Variants in DCAF6 observed in about 807,000 individuals in gnomAD.
DCAF6 encodes DDB1- and CUL4-associated factor 6.
Under a neutral mutation model 125.1 loss-of-function variants are expected in DCAF6, and 54 were observed. The observed-to-expected ratio is 0.43, with a 90% CI of 0.35 to 0.54. The LOEUF is 0.54. DCAF6 is among the 20% of genes least tolerant of loss of function. DCAF6 has a pLI of 0.01. For synonymous variants in DCAF6, 371 were observed against 390.4 expected, an observed-to-expected ratio of 0.95 and a Z score of 0.58; for missense variants, 934 against 1,161.7, an observed-to-expected ratio of 0.80 and a Z score of 2.85.
intron 1 of DCAF6, among the ~76,000 whole-genome samples, chr1:167,946,655 G>T (rs1673133924): frequency 6.6e-6 from 1 of 152,040 alleles, no homozygotes; most frequent in African/African-American, 2.4e-5. Context: ...TCATTCTGTT[G>T]ATATGATGTA....
chr1:168,001,117 A>G (rs945858550), intron 7 of DCAF6, among the ~76,000 whole-genome samples: 1 of 152,134 alleles, frequency 6.6e-6, no homozygotes, highest in East Asian at 1.9e-4. Context: ...CCTGGGCAAC[A>G]TAGCTAGACT....
At chr1:167,881,873 G>A in the DCAF6 span, among the ~76,000 whole-genome samples, 2 of 152,192 alleles carry the variant, frequency 1.3e-5, no homozygotes, top group African/African-American at 4.8e-5. Flanking sequence ...TATTGAAGAA[G>A]GTACTGGAGA....
the DCAF6 span, among the ~76,000 whole-genome samples, chr1:167,925,709 G>C: frequency 6.6e-6 from 1 of 151,124 alleles, no homozygotes; most frequent in East Asian, 1.9e-4. Flanking sequence ...ACCACACCCG[G>C]CTAATTTTTT....
At chr1:167,973,497 A>G (rs1294655578) in intron 3 of DCAF6, among the ~76,000 whole-genome samples, 1 of 152,186 alleles carries the variant, frequency 6.6e-6, no homozygotes, top group Non-Finnish European at 1.5e-5. Context: ...ATGTCACAAA[A>G]CAGTGATTTT....
At chr1:168,034,883 TTTAA>T (rs1479475416) in intron 12 of DCAF6, among the ~76,000 whole-genome samples, 2 of 152,210 alleles carry the variant, frequency 1.3e-5, no homozygotes, top group Non-Finnish European at 2.9e-5. Context: ...GTTGGGAACA[TTTAA>T]ATAGTTACAA....
chr1:167,874,896 CTG>C, the DCAF6 span, among the ~76,000 whole-genome samples: 1 of 152,086 alleles, frequency 6.6e-6, no homozygotes, highest in African/African-American at 2.4e-5. Flanking sequence ...ATGATTCCAT[CTG>C]TATCAATTTT....
At chr1:167,920,348 A>G in the DCAF6 span, among the ~76,000 whole-genome samples, 17 of 152,320 alleles carry the variant, frequency 1.1e-4, no homozygotes, top group African/African-American at 4.1e-4. Context: ...CAAAAACCTG[A>G]AAAGCAAAAG....
rs181641487 is a variant in DCAF6 at position 168,039,730 on chromosome 1, G to C, written c.1727+1242G>C. On this transcript the variant is annotated intron_variant, in intron 13 of 21. Transcript: ENST00000367840. ...ATATTAATATATGATCATGTTATCT[G>C]TTACTATAATATATGTAATATAATA... 3.8e-3 allele frequency among the ~76,000 whole-genome samples: 556 copies of C among 147,114 alleles called. 1 individual carries two copies. The highest frequency in any genetic ancestry group is 6.1e-3 in the Non-Finnish European group (409 of 66,984).
chr1:167,973,279 G>T (rs991343715), intron 3 of DCAF6, among the ~76,000 whole-genome samples: 13 of 152,154 alleles, frequency 8.5e-5, no homozygotes, highest in Admixed American at 7.2e-4. Flanking sequence ...TTTTTGGTGA[G>T]AATTCTCAGG....
the DCAF6 span, chr1:167,878,707 G>T: frequency 1.1e-4 from 157 of 1,472,272 alleles, no homozygotes; most frequent in African/African-American, 1.9e-3. Flanking sequence ...CTGAAACATT[G>T]TCCCCAAATA....
At chr1:168,072,858 T>G (rs778187932) in intron 21 of DCAF6, among the ~76,000 whole-genome samples, 2 of 152,176 alleles carry the variant, frequency 1.3e-5, no homozygotes, top group Non-Finnish European at 1.5e-5. Flanking sequence ...CTTCATATCA[T>G]TATCTTCCCC....
At chr1:168,051,456 C>T (rs1452783287) in intron 17 of DCAF6, among the ~76,000 whole-genome samples, 4 of 152,166 alleles carry the variant, frequency 2.6e-5, no homozygotes, top group African/African-American at 9.7e-5. Context: ...AAGCCTCAAG[C>T]ACTTCTCTAT....
intron 2 of DCAF6, among the ~76,000 whole-genome samples, chr1:167,963,405 ATTC>A (rs1675921158): frequency 6.8e-6 from 1 of 146,374 alleles, no homozygotes; most frequent in African/African-American, 2.5e-5. Flanking sequence ...TTTGTTTTCC[ATTC>A]TTCTGCCTTT....
chr1:167,878,490 T>A, the DCAF6 span: 272 of 1,614,174 alleles, frequency 1.7e-4, 5 homozygotes, highest in South Asian at 2.5e-3. Flanking sequence ...GTCCAGAATC[T>A]GCAACACCTT....
upstream of DCAF6, among the ~76,000 whole-genome samples, chr1:167,933,109 T>C (rs943358840): frequency 3.3e-5 from 5 of 151,188 alleles, no homozygotes; most frequent in Admixed American, 3.3e-4. Context: ...AAATTCTGGC[T>C]CACAGGTCAG....
the DCAF6 span, among the ~76,000 whole-genome samples, chr1:167,866,980 A>G: frequency 6.6e-6 from 1 of 152,188 alleles, no homozygotes; most frequent in Non-Finnish European, 1.5e-5. Flanking sequence ...AGTCCCCCCC[A>G]TGCTGTGGTG....
At chr1:168,057,274 T>C (rs1182453166) in intron 17 of DCAF6, among the ~76,000 whole-genome samples, 1 of 152,192 alleles carries the variant, frequency 6.6e-6, no homozygotes, top group African/African-American at 2.4e-5. Flanking sequence ...CTGCTTATAT[T>C]TTAGCCTAGT....
chr1:167,973,539 T>A (rs1677670464), intron 3 of DCAF6, among the ~76,000 whole-genome samples: 1 of 152,198 alleles, frequency 6.6e-6, no homozygotes, highest in Non-Finnish European at 1.5e-5. Flanking sequence ...TTTATTAATT[T>A]ACATTCTTCA....
intron 10 of DCAF6, among the ~76,000 whole-genome samples, chr1:168,009,387 CT>C (rs869303452): frequency 2.3e-4 from 31 of 132,162 alleles, no homozygotes; most frequent in East Asian, 9.7e-4. Context: ...TCCTTCCTTC[CT>C]TTCTTTCTTT....
Sources: allele counts gnomAD v4.1 joint callset (sites outside exome capture counted in the v4.1 genomes callset), GRCh38; gene constraint gnomAD v4.1.1; transcripts MANE v1.5; gene names NCBI Gene and HGNC (gene_info 2026-07-23, HGNC 2026-07-21).